Variants in SEZ6L observed in about 807,000 individuals in gnomAD.
SEZ6L encodes the protein seizure related 6 homolog like.
A neutral mutation model predicts 106.2 loss-of-function variants in SEZ6L; 37 were observed. The ratio of observed to expected loss-of-function variants is 0.35; its 90% CI spans 0.27 to 0.46. The LOEUF (loss-of-function observed/expected upper bound fraction) is 0.46. SEZ6L is among the 20% of genes least tolerant of loss of function. SEZ6L has a pLI of 1.00. For missense variants in SEZ6L, 1,172 were observed against 1,332.8 expected, an observed-to-expected ratio of 0.88 and a Z score of 1.88; for synonymous variants, 541 against 570.4, an observed-to-expected ratio of 0.95 and a Z score of 0.73.
At chr22:26,179,886 T>G (rs1432444300) in intron 1 of SEZ6L, among the ~76,000 whole-genome samples, 1 of 152,212 alleles carries the variant, frequency 6.6e-6, no homozygotes, top group Non-Finnish European at 1.5e-5. Context: ...CTCTCTAATA[T>G]GGTAGCCATG....
At chr22:26,369,059 G>A (rs1006141367) in intron 13 of SEZ6L, among the ~76,000 whole-genome samples, 1 of 151,420 alleles carries the variant, frequency 6.6e-6, no homozygotes, top group African/African-American at 2.5e-5. Flanking sequence ...ATTGAGAGGC[G>A]GGCCTGGAAT....
chr22:26,287,641 T>C (rs1459497050), intron 1 of SEZ6L, among the ~76,000 whole-genome samples: 1 of 152,218 alleles, frequency 6.6e-6, no homozygotes, highest in African/African-American at 2.4e-5. Flanking sequence ...GGGGATATTC[T>C]GATTGCTCCA....
intron 1 of SEZ6L, among the ~76,000 whole-genome samples, chr22:26,289,969 CAA>C (rs1465602402): frequency 1.3e-5 from 2 of 152,202 alleles, no homozygotes; most frequent in Non-Finnish European, 2.9e-5. Context: ...ATTGCAATGA[CAA>C]GAGTAAAAAC....
At chr22:26,254,522 G>A (rs2079738310) in intron 1 of SEZ6L, among the ~76,000 whole-genome samples, 1 of 152,164 alleles carries the variant, frequency 6.6e-6, no homozygotes, top group Non-Finnish European at 1.5e-5. Context: ...GGAGGCCACG[G>A]CGGGAGGATT....
At chr22:26,348,634 AAGAAAGAAAGAAAAAG>A (rs1259770530) in intron 11 of SEZ6L, among the ~76,000 whole-genome samples, 1 of 33,770 alleles carries the variant, frequency 3.0e-5, no homozygotes, top group Non-Finnish European at 4.7e-5. Context: ...GAAAGAAAGA[AAGAAAGAAAGAAAAAG>A]AAAGAAAGAA....
chr22:26,341,218 C>T (rs1601548842), intron 10 of SEZ6L, among the ~76,000 whole-genome samples: 1 of 152,220 alleles, frequency 6.6e-6, no homozygotes, highest in East Asian at 1.9e-4. Context: ...CTTTCCTCAT[C>T]CTCAATGTGG....
At chr22:26,190,053 C>T (rs533704383) in intron 1 of SEZ6L, among the ~76,000 whole-genome samples, 4 of 150,468 alleles carry the variant, frequency 2.7e-5, no homozygotes, top group East Asian at 3.9e-4. Context: ...GCCAAGATGG[C>T]GCCACTGCAC....
At chr22:26,333,723 C>G (rs1183489203) in intron 9 of SEZ6L, among the ~76,000 whole-genome samples, 1 of 152,110 alleles carries the variant, frequency 6.6e-6, no homozygotes, top group Non-Finnish European at 1.5e-5. Flanking sequence ...CATCCCCAGA[C>G]CAATGGGGCC....
intron 11 of SEZ6L, among the ~76,000 whole-genome samples, chr22:26,348,709 AGGGAGG>A (rs2083152069): frequency 2.4e-5 from 1 of 41,656 alleles, no homozygotes; most frequent in Non-Finnish European, 5.0e-5. Context: ...AAAGAAGGCA[AGGGAGG>A]GAAGGGAGGG....
chr22:26,296,373 C>A (rs1268849106), intron 3 of SEZ6L, among the ~76,000 whole-genome samples: 3 of 152,146 alleles, frequency 2.0e-5, no homozygotes, highest in Non-Finnish European at 2.9e-5. Context: ...TATATTCAAT[C>A]TTTTTTAAAT....
chr22:26,314,041 C>A, intron 9 of SEZ6L, 139 bp downstream of exon 9: 3 of 699,256 alleles, frequency 4.3e-6, no homozygotes, highest in Non-Finnish European at 7.2e-6. Context: ...ACAGGCATTC[C>A]CATAGTGAGA....
At chr22:26,262,244 T>C (rs141814096) in intron 1 of SEZ6L, among the ~76,000 whole-genome samples, 1 of 144,290 alleles carries the variant, frequency 6.9e-6, no homozygotes, top group African/African-American at 2.6e-5. Context: ...TTGATATATT[T>C]TATCTATCTA....
chr22:26,308,602 C>T (rs1383235935), intron 6 of SEZ6L, among the ~76,000 whole-genome samples: 3 of 152,104 alleles, frequency 2.0e-5, no homozygotes, highest in Admixed American at 2.0e-4. Flanking sequence ...CTGCGCCCAC[C>T]CTATCCTTGC....
intron 15 of SEZ6L, 102 bp downstream of exon 15, chr22:26,375,791 C>A: frequency 1.3e-6 from 1 of 776,078 alleles, no homozygotes; most frequent in Non-Finnish European, 2.1e-6. Flanking sequence ...CCACCTGGAG[C>A]TCGGGCATAG....
chr22:26,253,804 G>A (rs1053506019), intron 1 of SEZ6L, among the ~76,000 whole-genome samples: 5 of 152,202 alleles, frequency 3.3e-5, no homozygotes, highest in African/African-American at 7.2e-5. Context: ...TATATCTGCA[G>A]TATTAAATTT....
intron 7 of SEZ6L, among the ~76,000 whole-genome samples, 191 bp downstream of exon 7, chr22:26,311,027 T>C (rs147806614): frequency 6.6e-6 from 1 of 152,212 alleles, no homozygotes; most frequent in African/African-American, 2.4e-5. Context: ...AACTGTGCAC[T>C]TACTACGTGC....
At chr22:26,177,176 T>A (rs1601953982) in intron 1 of SEZ6L, among the ~76,000 whole-genome samples, 1 of 152,342 alleles carries the variant, frequency 6.6e-6, no homozygotes, top group Admixed American at 6.5e-5. Context: ...TTAGGCAGCC[T>A]GTATAAACCT....
chr22:26,373,000 G>A (rs1371996679), intron 13 of SEZ6L, among the ~76,000 whole-genome samples: 1 of 152,176 alleles, frequency 6.6e-6, no homozygotes, highest in Non-Finnish European at 1.5e-5. Context: ...AGAAACCAGA[G>A]AGCTTGAGCA....
chr22:26,344,759 CACA>C (rs1365617505), intron 10 of SEZ6L, among the ~76,000 whole-genome samples: 3 of 152,344 alleles, frequency 2.0e-5, no homozygotes, highest in African/African-American at 7.2e-5. Flanking sequence ...TTAGTGTTCA[CACA>C]ACATCGTCAT....
Sources: gnomAD v4.1 joint callset for allele counts (sites outside exome capture counted in the v4.1 genomes callset) on GRCh38, gnomAD v4.1.1 for gene constraint, MANE v1.5 for transcripts, NCBI Gene and HGNC (gene_info 2026-07-23, HGNC 2026-07-21) for gene names.